Variants in CHD2 observed in about 807,000 individuals in gnomAD.
CHD2 encodes the protein ATP-dependent chromatin remodeler CHD2.
CHD2 carries 28 observed loss-of-function variants against 243.9 expected under a neutral mutation model. That is an observed-to-expected ratio of 0.11 (90% confidence interval 0.09 to 0.16). The LOEUF (loss-of-function observed/expected upper bound fraction) is 0.16. Among genes scored for constraint, CHD2 ranks in the 10% least tolerant of loss-of-function variants. The probability of loss-of-function intolerance (pLI) is 1.00; values close to 1 mark genes in which losing one functional copy is unlikely to be tolerated. For synonymous variants in CHD2, 775 were observed against 779.0 expected (o/e 0.99, Z 0.09); for missense variants, 1,386 against 2,209.8 (o/e 0.63, Z 7.47).
At chr15:92,978,731 A>G (rs1037576713) in intron 21 of CHD2, among the ~76,000 whole-genome samples, 8 of 152,216 alleles carry the variant, frequency 5.3e-5, no homozygotes, top group African/African-American at 1.9e-4. Context: ...TTTATTATAC[A>G]TGACAGTGTT....
chr15:92,931,746 T>C (rs1347249129), intron 5 of CHD2, among the ~76,000 whole-genome samples: 1 of 152,232 alleles, frequency 6.6e-6, no homozygotes, highest in Non-Finnish European at 1.5e-5. Context: ...CATAAAATTT[T>C]ACCTTTTATC....
chr15:92,941,754 C>T (rs772603343), intron 7 of CHD2, 68 bp from the exon 8 acceptor site: 46 of 1,475,222 alleles, frequency 3.1e-5, no homozygotes, highest in African/African-American at 4.2e-5. Flanking sequence ...ATTCTAGTGA[C>T]GGTTATGTGT....
rs146275216 is a variant in CHD2 at position 93,020,089 on chromosome 15, C to T, written c.4984C>T (p.His1662Tyr). The change falls in exon 38 of 39, where the codon CAC becomes TAC. Residue 1662 changes from histidine to tyrosine, a missense_variant. His to Tyr is a moderately conservative substitution (Grantham distance 83). Transcript: ENST00000394196. ...CAATCCACCATGGGGAAGCGACAGG[C>T]ACCATCAGTATGAGCAGCACTGGTA... ...NNNPPWGSDR[H>Y]HQYEQHWYKD... 224 of 1,614,026 alleles carry T rather than the reference C, an allele frequency of 1.4e-4. No individual in the cohort carries two copies. Among genetic ancestry groups the T allele is most frequent in the Non-Finnish European group, 1.6e-4 (194 of 1,180,046 alleles).
intron 16 of CHD2, among the ~76,000 whole-genome samples, chr15:92,966,348 G>A (rs1001543539): frequency 6.6e-6 from 1 of 152,090 alleles, no homozygotes; most frequent in African/African-American, 2.4e-5. Flanking sequence ...ACAGGTGTGA[G>A]CTACTTCGCC....
chr15:92,943,208 C>T (rs979136788), intron 9 of CHD2, 140 bp downstream of exon 9: 3 of 663,846 alleles, frequency 4.5e-6, no homozygotes, highest in Non-Finnish European at 7.6e-6. Context: ...ATTTACAATT[C>T]TATTTTATAA....
chr15:92,985,641 C>T lies in CHD2; in HGVS notation c.3381C>T (p.Leu1127=), dbSNP rs770233047. 9 of 1,612,854 alleles carry T rather than the reference C, an allele frequency of 5.6e-6. No homozygotes were observed. The highest frequency in any genetic ancestry group is 2.2e-5 in the East Asian group (1 of 44,884). Residue 1127 remains leucine, a synonymous_variant, in exon 26 of 39, where the codon CTC becomes CTT. Coordinates refer to ENST00000394196, the MANE Select transcript of CHD2 (RefSeq NM_001271.4). ...RGRPRSVRKD[L]VEGFTDAEIR... ...GTCCGAGGAGTGTGCGGAAGGACCT[C>T]GTGGAGGGATTTACTGATGCAGAGA...
intron 34 of CHD2, among the ~76,000 whole-genome samples, chr15:93,007,496 T>G (rs1004769629): frequency 6.6e-6 from 1 of 152,200 alleles, no homozygotes; most frequent in Non-Finnish European, 1.5e-5. Flanking sequence ...TTTTAAAAAT[T>G]GAAGTATAAC....
At chr15:92,914,482 T>G (rs529426694) in intron 2 of CHD2, among the ~76,000 whole-genome samples, 3 of 152,252 alleles carry the variant, frequency 2.0e-5, no homozygotes, top group East Asian at 3.9e-4. Flanking sequence ...CTACTTATAT[T>G]TGGTTATTGG....
intron 16 of CHD2, 76 bp from the exon 17 acceptor site, chr15:92,967,249 C>A (rs2053777943): frequency 9.5e-7 from 1 of 1,053,618 alleles, no homozygotes; most frequent in Non-Finnish European, 1.4e-6. Context: ...GGGAAAGATT[C>A]ATTTTTTTAC....
chr15:93,001,428 A>G (rs1338358218), intron 32 of CHD2, among the ~76,000 whole-genome samples: 1 of 152,182 alleles, frequency 6.6e-6, no homozygotes, highest in African/African-American at 2.4e-5. Context: ...TGAGAGTGTA[A>G]TTGTACTTGG....
At chr15:92,971,948 ACTTTCTC>A in intron 18 of CHD2, 21 bp downstream of exon 18, 2 of 1,589,300 alleles carry the variant, frequency 1.3e-6, no homozygotes, top group South Asian at 1.2e-5. Flanking sequence ...CCTCATAATT[ACTTTCTC>A]AAAAAAAACG....
chr15:92,936,178 C>T (rs930548700), intron 5 of CHD2, among the ~76,000 whole-genome samples: 8 of 152,092 alleles, frequency 5.3e-5, no homozygotes, highest in South Asian at 2.1e-4. Context: ...TTAGGGTGAC[C>T]GTTGTAGCTT....
chr15:92,956,885 G>A (rs115854662), intron 16 of CHD2, among the ~76,000 whole-genome samples: 25 of 152,258 alleles, frequency 1.6e-4, no homozygotes, highest in African/African-American at 5.8e-4. Context: ...ATTAGTTAAT[G>A]CACTTGGGAA....
chr15:92,904,325 T>G, intron 2 of CHD2: 3 of 453,902 alleles, frequency 6.6e-6, no homozygotes, highest in Non-Finnish European at 8.7e-6. Context: ...TGATTGGCTG[T>G]GCGCGCGCCT....
chr15:92,916,011 AC>A (rs2052827545), intron 2 of CHD2, among the ~76,000 whole-genome samples: 2 of 149,782 alleles, frequency 1.3e-5, no homozygotes, highest in African/African-American at 5.1e-5. Flanking sequence ...CTATGCCTCT[AC>A]TCTCTTCTCA....
chr15:92,909,913 G>C (rs1200278840), intron 2 of CHD2, among the ~76,000 whole-genome samples: 3 of 151,600 alleles, frequency 2.0e-5, no homozygotes, highest in South Asian at 2.1e-4. Flanking sequence ...GCTTACTCTG[G>C]GTAAGGGACT....
At position 92,984,354 on chromosome 15, in the gene CHD2, G is replaced by A; in HGVS notation, c.3091G>A (p.Asp1031Asn). The change falls in exon 25 of 39, where the codon GAT (aspartate) becomes AAT (asparagine). Residue 1031 changes from aspartate to asparagine, a missense_variant. Around this residue, in one of 19 missense-constraint regions of CHD2, gnomAD observed 99 missense variants for 206.4 expected, o/e 0.48. Transcript: ENST00000394196. ...GGTTGCCAACTTTGCAACAATGGAA[G>A]ATGAAGAAGAGCTAGAAGAGCGTCC... is the stretch of plus-strand genomic sequence containing the variant. ...FKVANFATME[D>N]EEELEERPHK... is the part of the protein sequence containing the mutation. The A allele has an allele frequency of 6.3e-7, 1 of 1,585,796 alleles. No individual in the cohort carries two copies. The highest frequency in any genetic ancestry group is 8.6e-7 in the Non-Finnish European group (1 of 1,167,062).
At chr15:92,995,649 C>T (rs956588946) in intron 28 of CHD2, among the ~76,000 whole-genome samples, 7 of 151,924 alleles carry the variant, frequency 4.6e-5, no homozygotes, top group Non-Finnish European at 1.0e-4. Context: ...TTCACACTTC[C>T]CCCCTAGTAT....
Position 93,009,231 on chromosome 15 carries a change from A to G in CHD2, c.4500A>G (p.Glu1500=), listed in dbSNP as rs776113114. The change falls in exon 35 of 39, where the codon GAA becomes GAG. Residue 1500 remains glutamate (E), a synonymous_variant. Transcript: ENST00000394196. Reference sequence around the variant, plus strand: ...GGCTCAACGTGCAAGAACAGCTGGAACACACCCGGAACTGCCTGCTGAAAA... The same window carrying G: ...GGCTCAACGTGCAAGAACAGCTGGAGCACACCCGGAACTGCCTGCTGAAAA... ...DKGLNVQEQL[E]HTRNCLLKIG... The G allele has an allele frequency of 3.7e-6, 6 of 1,614,234 alleles. No individual in the cohort carries two copies. Among genetic ancestry groups the G allele is most frequent in the Non-Finnish European group, 5.1e-6 (6 of 1,180,038 alleles).
Sources: gnomAD v4.1 joint callset for allele counts (sites outside exome capture counted in the v4.1 genomes callset) on GRCh38, gnomAD v4.1.1 for gene constraint, gnomAD v4.1.1 regional missense constraint, MANE v1.5 for transcripts, NCBI Gene and HGNC (gene_info 2026-07-23, HGNC 2026-07-21) for gene names.